FRY: variants seen among roughly 807,000 people sequenced by gnomAD.
FRY encodes protein furry homolog.
A neutral mutation model predicts 348.4 loss-of-function variants in FRY; 128 were observed. The ratio of observed to expected loss-of-function variants is 0.37; its 90% CI spans 0.32 to 0.43. The LOEUF is 0.43. Ranked by LOEUF, FRY falls within the 20% of genes least tolerant of loss-of-function variation. FRY has a pLI of 1.00. For synonymous variants in FRY, 1,370 were observed against 1,374.7 expected (o/e 1.00, Z 0.08); for missense variants, 2,736 against 3,695.2 (o/e 0.74, Z 6.73).
chr13:32,217,376 T>C (rs1266023621), intron 35 of FRY, among the ~76,000 whole-genome samples: 1 of 152,148 alleles, frequency 6.6e-6, no homozygotes, highest in African/African-American at 2.4e-5. Flanking sequence ...AGTCCTCTGT[T>C]TGAGAAATAT....
At chr13:32,188,087 G>A (rs994387933) in intron 28 of FRY, among the ~76,000 whole-genome samples, 4 of 152,088 alleles carry the variant, frequency 2.6e-5, no homozygotes, top group African/African-American at 4.8e-5. Context: ...TGTAAGTAAA[G>A]CCTTTCTTAG....
At chr13:32,277,580 G>C (rs1422336378) in intron 57 of FRY, among the ~76,000 whole-genome samples, 2 of 152,206 alleles carry the variant, frequency 1.3e-5, no homozygotes, top group Non-Finnish European at 2.9e-5. Context: ...ACCACATCAT[G>C]ATATTGCCTT....
At chr13:32,082,690 C>T (rs1320885600) in intron 2 of FRY, among the ~76,000 whole-genome samples, 1 of 152,110 alleles carries the variant, frequency 6.6e-6, no homozygotes, top group African/African-American at 2.4e-5. Context: ...CTTTATTTCT[C>T]CCTCATTTAT....
At chr13:32,087,359 C>T (rs893400254) in intron 2 of FRY, among the ~76,000 whole-genome samples, 7 of 152,202 alleles carry the variant, frequency 4.6e-5, no homozygotes, top group African/African-American at 1.7e-4. Context: ...GGCCCAGAGT[C>T]TGAGGCTTCC....
At chr13:32,271,366 A>T (rs1212353820) in intron 55 of FRY, among the ~76,000 whole-genome samples, 1 of 152,128 alleles carries the variant, frequency 6.6e-6, no homozygotes, top group Non-Finnish European at 1.5e-5. Flanking sequence ...TTCAAAGACT[A>T]CTTATGAGAG....
At chr13:32,118,764 T>C (rs1260152235) in intron 4 of FRY, among the ~76,000 whole-genome samples, 1 of 152,162 alleles carries the variant, frequency 6.6e-6, no homozygotes, top group Non-Finnish European at 1.5e-5. Flanking sequence ...CTCATGAATA[T>C]TTTTTTAATT....
chr13:32,131,870 C>T, intron 8 of FRY, 30 bp downstream of exon 8: 2 of 1,578,296 alleles, frequency 1.3e-6, no homozygotes, highest in Non-Finnish European at 1.7e-6. Flanking sequence ...AGCTAAGGTG[C>T]TCTCAACTTG....
intron 2 of FRY, among the ~76,000 whole-genome samples, chr13:32,095,198 A>AC (rs2138603419): frequency 6.6e-6 from 1 of 152,130 alleles, no homozygotes; most frequent in African/African-American, 2.4e-5. Context: ...GGATGATTAG[A>AC]TTTTTTCCCA....
rs543149226 is a variant in FRY, at chr13:32,228,769, T to G, written c.5405+115T>G. The G allele has an allele frequency of 8.0e-6, 7 of 872,696 alleles. No homozygotes were observed. In the East Asian group the frequency reaches 1.7e-4, roughly 22 times the overall value. The allele number at this position is 872,696 out of a possible 1,614,324, so 54.1% of individuals were successfully genotyped here. On this transcript the variant is annotated intron_variant, in intron 40 of 60. Transcript: ENST00000542859. ...CCTGGGGTTCTAACAAAGTCCTGTT[T>G]CTCTTCTCAATTGCAACTGCTGGAG...
chr13:32,277,284 C>G (rs1888579437), intron 57 of FRY, among the ~76,000 whole-genome samples: 1 of 152,192 alleles, frequency 6.6e-6, no homozygotes, highest in Non-Finnish European at 1.5e-5. Flanking sequence ...GAATAAGTGA[C>G]TTGCCGTCTC....
chr13:32,249,874 G>A (rs936804883), intron 49 of FRY, among the ~76,000 whole-genome samples, 187 bp downstream of exon 49: 3 of 152,198 alleles, frequency 2.0e-5, no homozygotes, highest in African/African-American at 7.2e-5. Flanking sequence ...ATCACCTTGA[G>A]TTGAAGTCTG....
chr13:32,203,595 C>T (rs905771758), intron 31 of FRY, among the ~76,000 whole-genome samples: 6 of 152,046 alleles, frequency 3.9e-5, no homozygotes, highest in African/African-American at 9.7e-5. Context: ...TGGTGGCCCA[C>T]GCCTCTAGTC....
At chr13:32,241,102 T>C (rs1321776268) in intron 46 of FRY, among the ~76,000 whole-genome samples, 3 of 152,238 alleles carry the variant, frequency 2.0e-5, no homozygotes, top group African/African-American at 4.8e-5. Context: ...CATCTGGTCA[T>C]ACCTGTCCCT....
chr13:32,294,309 G>C (rs1162743522), intron 59 of FRY, 59 bp from the exon 60 acceptor site: 1 of 1,157,950 alleles, frequency 8.6e-7, no homozygotes, highest in African/African-American at 1.6e-5. Flanking sequence ...TTTTCCTTTT[G>C]GGATGTAAAA....
At chr13:32,267,688 C>A (rs1887990131) in intron 55 of FRY, among the ~76,000 whole-genome samples, 2 of 152,114 alleles carry the variant, frequency 1.3e-5, no homozygotes, top group East Asian at 1.9e-4. Context: ...ATCCCACCCC[C>A]CTTTACCTCT....
intron 16 of FRY, among the ~76,000 whole-genome samples, chr13:32,158,739 G>A (rs554970985): frequency 1.3e-4 from 20 of 151,918 alleles, no homozygotes; most frequent in African/African-American, 2.2e-4. Flanking sequence ...CCAACATGGC[G>A]AAACCCCATC....
chr13:32,083,795 T>C (rs1034358060), intron 2 of FRY, among the ~76,000 whole-genome samples: 29 of 152,148 alleles, frequency 1.9e-4, no homozygotes, highest in Admixed American at 1.1e-3. Context: ...CTTTTAATGG[T>C]GCATAGATTT....
intron 1 of FRY, among the ~76,000 whole-genome samples, chr13:32,041,283 C>CTTT (rs11286980): frequency 3.1e-4 from 20 of 65,006 alleles, no homozygotes; most frequent in East Asian, 4.5e-4. Context: ...TAATCTTCTG[C>CTTT]TTTTTTTTTT....
chr13:32,118,747 G>A (rs1464463228), intron 4 of FRY, among the ~76,000 whole-genome samples: 4 of 152,022 alleles, frequency 2.6e-5, no homozygotes, highest in Non-Finnish European at 5.9e-5. Context: ...CCCATTAGCA[G>A]CCTCTCCTCA....
Sources: allele counts gnomAD v4.1 joint callset (sites outside exome capture counted in the v4.1 genomes callset), GRCh38; gene constraint gnomAD v4.1.1; transcripts MANE v1.5; gene names NCBI Gene and HGNC (gene_info 2026-07-23, HGNC 2026-07-21).